The following FHIT variants were observed in gnomAD, a reference collection of about 807,000 sequenced individuals.
FHIT encodes the protein fragile histidine triad diadenosine triphosphatase, also known as bis(5'-adenosyl)-triphosphatase.
A neutral mutation model predicts 17.9 loss-of-function variants in FHIT; 19 were observed. The ratio of observed to expected loss-of-function variants is 1.06; its 90% confidence interval spans 0.74 to 1.56. The LOEUF (loss-of-function observed/expected upper bound fraction) is 1.56, where lower values mean the gene tolerates loss of function less well. Among genes scored for constraint, FHIT ranks in the 40% most tolerant of loss-of-function variants. The pLI, the probability that FHIT is intolerant of heterozygous loss-of-function variation, is 0.00. For synonymous variants in FHIT, 81 were observed against 69.7 expected (o/e 1.16, Z -0.81); for missense variants, 248 against 189.2 (o/e 1.31, Z -1.82).
At chr3:61,002,538 C>G (rs1164217284) in intron 3 of FHIT, among the ~76,000 whole-genome samples, 1 of 152,096 alleles carries the variant, frequency 6.6e-6, no homozygotes, top group Non-Finnish European at 1.5e-5. Flanking sequence ...CTGTGAGCCA[C>G]AGGCATGAGC....
intron 5 of FHIT, among the ~76,000 whole-genome samples, chr3:60,075,772 G>C (rs1171108180): frequency 6.6e-6 from 1 of 152,030 alleles, no homozygotes; most frequent in Non-Finnish European, 1.5e-5. Flanking sequence ...AGATACTAAA[G>C]AGAATAGTTT....
At chr3:60,932,564 T>C (rs1708011378) in intron 3 of FHIT, among the ~76,000 whole-genome samples, 1 of 152,196 alleles carries the variant, frequency 6.6e-6, no homozygotes, top group African/African-American at 2.4e-5. Flanking sequence ...TTTTGACAAG[T>C]GCCCACATTT....
At chr3:60,167,047 G>A (rs1339082768) in intron 5 of FHIT, among the ~76,000 whole-genome samples, 7 of 152,016 alleles carry the variant, frequency 4.6e-5, no homozygotes, top group South Asian at 2.1e-4. Flanking sequence ...CCCACCCCTC[G>A]ACACTACCCA....
chr3:61,179,707 CA>C (rs779180597), intron 2 of FHIT, among the ~76,000 whole-genome samples: 4,316 of 28,920 alleles, frequency 0.15, 103 homozygotes, highest in East Asian at 0.38. Context: ...GACCCTATCT[CA>C]AAAAAAAAAA....
chr3:60,685,215 C>T (rs2040835099), intron 4 of FHIT, among the ~76,000 whole-genome samples: 1 of 152,172 alleles, frequency 6.6e-6, no homozygotes, highest in Non-Finnish European at 1.5e-5. Context: ...CTTTGGGTTT[C>T]ATTTCCTTAA....
At chr3:60,466,037 T>A (rs889103578) in intron 5 of FHIT, among the ~76,000 whole-genome samples, 5 of 152,146 alleles carry the variant, frequency 3.3e-5, no homozygotes, top group African/African-American at 4.8e-5. Flanking sequence ...ATCTTTCCAT[T>A]TATCTTGTGT....
chr3:59,885,523 C>T (rs866564097), intron 8 of FHIT, among the ~76,000 whole-genome samples: 8 of 149,488 alleles, frequency 5.4e-5, no homozygotes, highest in Admixed American at 1.3e-4. Context: ...GGAATGAGAA[C>T]ATCAGCAACT....
chr3:60,422,434 C>G (rs1450546577), intron 5 of FHIT, among the ~76,000 whole-genome samples: 3 of 152,124 alleles, frequency 2.0e-5, no homozygotes, highest in Non-Finnish European at 4.4e-5. Context: ...CATGACTAGT[C>G]TAAGGTTTTT....
At chr3:61,036,897 C>CTTTGTTTTT (rs1559928899) in intron 3 of FHIT, among the ~76,000 whole-genome samples, 1 of 55,002 alleles carries the variant, frequency 1.8e-5, no homozygotes, top group African/African-American at 3.9e-5. Flanking sequence ...GATCAGTCTG[C>CTTTGTTTTT]TTTGTTTTTT....
chr3:59,899,452 T>A (rs1270061684), intron 8 of FHIT, among the ~76,000 whole-genome samples: 1 of 152,160 alleles, frequency 6.6e-6, no homozygotes, highest in Non-Finnish European at 1.5e-5. Context: ...TTTGTGGAAC[T>A]AATACAAATT....
chr3:60,293,045 A>G (rs755458256), intron 5 of FHIT, among the ~76,000 whole-genome samples: 4 of 152,204 alleles, frequency 2.6e-5, no homozygotes, highest in Non-Finnish European at 5.9e-5. Flanking sequence ...CAATACATAT[A>G]GTACATTAAA....
intron 8 of FHIT, among the ~76,000 whole-genome samples, chr3:59,796,325 C>T (rs531128343): frequency 2.0e-5 from 3 of 152,282 alleles, no homozygotes; most frequent in South Asian, 2.1e-4. Context: ...CCCCCAGACC[C>T]TCTATCTCTC....
chr3:60,591,377 A>G (rs2038078418), intron 4 of FHIT, among the ~76,000 whole-genome samples: 1 of 139,712 alleles, frequency 7.2e-6, no homozygotes, highest in South Asian at 2.3e-4. Flanking sequence ...GAGAAAGATG[A>G]TGGACTTAAC....
intron 4 of FHIT, among the ~76,000 whole-genome samples, chr3:60,563,938 A>G (rs2037043640): frequency 6.6e-6 from 1 of 152,232 alleles, no homozygotes; most frequent in Non-Finnish European, 1.5e-5. Flanking sequence ...ATATTAAACA[A>G]TAGATTTTCG....
chr3:60,807,860 A>G (rs1701450370), intron 4 of FHIT, among the ~76,000 whole-genome samples: 1 of 151,986 alleles, frequency 6.6e-6, no homozygotes, highest in African/African-American at 2.4e-5. Flanking sequence ...TAAAATAAAA[A>G]AAGGAAAAAA....
intron 4 of FHIT, among the ~76,000 whole-genome samples, chr3:60,605,495 C>A: frequency 6.6e-6 from 1 of 152,264 alleles, no homozygotes; most frequent in East Asian, 1.9e-4. Flanking sequence ...TCAGAAGGCA[C>A]CAGTTTAGAA....
At chr3:60,720,781 A>G (rs1046149575) in intron 4 of FHIT, among the ~76,000 whole-genome samples, 12 of 152,290 alleles carry the variant, frequency 7.9e-5, no homozygotes, top group Admixed American at 2.0e-4. Flanking sequence ...CTGGGCGTCA[A>G]GAAGAGTCCT....
chr3:60,532,401 G>A (rs553481564), intron 5 of FHIT, among the ~76,000 whole-genome samples: 8 of 152,242 alleles, frequency 5.3e-5, no homozygotes, highest in African/African-American at 1.9e-4. Flanking sequence ...GATAGACACA[G>A]CACAAAGCAA....
chr3:60,616,994 A>G (rs116697536), intron 4 of FHIT: 2,982 of 169,178 alleles, frequency 0.018, 41 homozygotes, highest in Non-Finnish European at 0.028. Context: ...GATGCAGACA[A>G]TGAGCTTTGG....
Sources: allele counts gnomAD v4.1 joint callset (sites outside exome capture counted in the v4.1 genomes callset), GRCh38; gene constraint gnomAD v4.1.1; transcripts MANE v1.5; gene names NCBI Gene and HGNC (gene_info 2026-07-23, HGNC 2026-07-21).